The following SH3PXD2A variants were observed in gnomAD, a reference collection of about 807,000 sequenced individuals.
SH3PXD2A encodes the protein SH3 and PX domains 2A.
A neutral mutation model predicts 115.2 loss-of-function variants in SH3PXD2A; 32 were observed. The ratio of observed to expected loss-of-function variants is 0.28; its 90% CI spans 0.21 to 0.37. The LOEUF is 0.37. Among genes scored for constraint, SH3PXD2A ranks in the 10% least tolerant of loss-of-function variants. SH3PXD2A has a pLI of 1.00. For synonymous variants in SH3PXD2A, 610 were observed against 629.1 expected, an observed-to-expected ratio of 0.97 and a Z score of 0.45; for missense variants, 1,328 against 1,498.7, an observed-to-expected ratio of 0.89 and a Z score of 1.88.
At chr10:103,853,098 C>T (rs554079035) in intron 1 of SH3PXD2A, among the ~76,000 whole-genome samples, 5 of 152,194 alleles carry the variant, frequency 3.3e-5, no homozygotes, top group Non-Finnish European at 7.3e-5. Flanking sequence ...AGTGACATCA[C>T]TCCCTGCCCC....
intron 5 of SH3PXD2A, among the ~76,000 whole-genome samples, chr10:103,723,424 G>A (rs2038205970): frequency 6.6e-6 from 1 of 152,216 alleles, no homozygotes; most frequent in African/African-American, 2.4e-5. Flanking sequence ...GGGACTGCAG[G>A]TGAGCAGAAT....
rs1395618678 is a variant in SH3PXD2A at position 103,627,555 on chromosome 10, TTGAAACCCA to T, written c.605-362_605-354del. Reference sequence around the variant, plus strand: ...CATACAGAGAGACCATTTATGGTCTTTGAAACCCATTAGGATGACTGGTTTGCCTGGAGC... The same window carrying T: ...CATACAGAGAGACCATTTATGGTCTTTTAGGATGACTGGTTTGCCTGGAGC... On this transcript the variant is annotated intron_variant, in intron 8 of 14. Coordinates refer to ENST00000369774, the MANE Select transcript of SH3PXD2A (RefSeq NM_001394015.1). The surrounding 1 kb of genome is among the most constrained non-coding windows in gnomAD (Gnocchi z 4.4). Among the ~76,000 whole-genome samples, 4 of 152,360 alleles carry T rather than the reference TTGAAACCCA, an allele frequency of 2.6e-5. No individual in the cohort carries two copies. Among genetic ancestry groups the T allele is most frequent in the Non-Finnish European group, 5.9e-5 (4 of 68,034 alleles).
chr10:103,773,447 T>TC lies in SH3PXD2A; in HGVS notation c.154-6279_154-6278insG, dbSNP rs1371106074. On this transcript the variant is annotated intron_variant, in intron 2 of 14. Coordinates refer to ENST00000369774, the MANE Select transcript of SH3PXD2A (RefSeq NM_001394015.1). ...TTTCTTCTCTTTTCTTTCTTTCTTT[T>TC]TTTTTTTTTTGAGACGGAGTCTCGC... is the stretch of plus-strand genomic sequence containing the variant. 4.1e-3 allele frequency among the ~76,000 whole-genome samples: 620 copies of TC among 150,950 alleles called. 23 individuals carry two copies. The highest frequency in any genetic ancestry group is 0.039 in the Admixed American group (588 of 15,200).
chr10:103,772,959 C>T (rs954900516), intron 2 of SH3PXD2A, among the ~76,000 whole-genome samples: 3 of 152,214 alleles, frequency 2.0e-5, no homozygotes, highest in African/African-American at 4.8e-5. Flanking sequence ...CGCGGTGGCT[C>T]ACGCCTGTAA....
At chr10:103,757,182 T>A (rs1324080609) in intron 3 of SH3PXD2A, among the ~76,000 whole-genome samples, 2 of 150,678 alleles carry the variant, frequency 1.3e-5, no homozygotes, top group Non-Finnish European at 1.5e-5. Context: ...GGGGAGGGAG[T>A]GGAGGGTAAA....
At chr10:103,607,253 G>A (rs1326242801) in intron 13 of SH3PXD2A, among the ~76,000 whole-genome samples, 6 of 150,630 alleles carry the variant, frequency 4.0e-5, no homozygotes, top group African/African-American at 1.5e-4. Flanking sequence ...GAGACTCTCC[G>A]CCTGGCAACC....
intron 3 of SH3PXD2A, among the ~76,000 whole-genome samples, chr10:103,765,425 G>C (rs887591668): frequency 2.0e-5 from 3 of 152,228 alleles, no homozygotes; most frequent in Non-Finnish European, 4.4e-5. Context: ...GTCCTGGGAT[G>C]ATGGAGCAGG....
intron 2 of SH3PXD2A, among the ~76,000 whole-genome samples, chr10:103,795,132 G>A (rs550683136): frequency 5.2e-4 from 79 of 152,258 alleles, no homozygotes; most frequent in African/African-American, 1.8e-3. Flanking sequence ...CACTAGCCAC[G>A]GCCGCCACTG....
intron 2 of SH3PXD2A, among the ~76,000 whole-genome samples, chr10:103,794,155 C>A (rs1195773489): frequency 6.6e-6 from 1 of 152,084 alleles, no homozygotes; most frequent in Non-Finnish European, 1.5e-5. Context: ...TGTTGGGGAG[C>A]TGGAAAGTGA....
At chr10:103,637,359 G>A (rs1230473092) in intron 8 of SH3PXD2A, among the ~76,000 whole-genome samples, 1 of 152,172 alleles carries the variant, frequency 6.6e-6, no homozygotes, top group Non-Finnish European at 1.5e-5. Context: ...GTTACTCTTG[G>A]TCCTTCACAT....
chr10:103,638,324 C>G (rs1201147256), intron 8 of SH3PXD2A, among the ~76,000 whole-genome samples: 1 of 152,240 alleles, frequency 6.6e-6, no homozygotes, highest in East Asian at 1.9e-4. Context: ...GTCAAGACAG[C>G]CTGGGCTGCT....
At chr10:103,628,283 C>T (rs2036727629) in intron 8 of SH3PXD2A, among the ~76,000 whole-genome samples, 1 of 152,256 alleles carries the variant, frequency 6.6e-6, no homozygotes, top group Non-Finnish European at 1.5e-5. Flanking sequence ...TAGGTCCCCA[C>T]CGCCCCACAT....
chr10:103,737,435 C>G (rs1286254710), intron 3 of SH3PXD2A, among the ~76,000 whole-genome samples: 3 of 152,160 alleles, frequency 2.0e-5, no homozygotes, highest in Non-Finnish European at 4.4e-5. Context: ...TTAGATTATT[C>G]CCCCAGACAC....
chr10:103,822,817 A>C (rs1208341228), intron 1 of SH3PXD2A, among the ~76,000 whole-genome samples: 2 of 152,280 alleles, frequency 1.3e-5, no homozygotes, highest in Non-Finnish European at 2.9e-5. Flanking sequence ...TTACCAAAGA[A>C]GAAATACATA....
chr10:103,611,405 G>T (rs2036426691), intron 13 of SH3PXD2A, among the ~76,000 whole-genome samples, 176 bp downstream of exon 13: 1 of 152,210 alleles, frequency 6.6e-6, no homozygotes, highest in African/African-American at 2.4e-5. Context: ...CTCCAGGAAG[G>T]CTGGGATCTG....
At chr10:103,826,371 T>C (rs753611272) in intron 1 of SH3PXD2A, among the ~76,000 whole-genome samples, 1 of 152,186 alleles carries the variant, frequency 6.6e-6, no homozygotes, top group Non-Finnish European at 1.5e-5. Flanking sequence ...CCCAGATGCA[T>C]GTCCAGGTCT....
chr10:103,750,412 A>G (rs1387761802), intron 3 of SH3PXD2A, among the ~76,000 whole-genome samples: 1 of 152,174 alleles, frequency 6.6e-6, no homozygotes, highest in African/African-American at 2.4e-5. Context: ...GGTAACTACT[A>G]CAAGGCCTAG....
chr10:103,800,648 T>C (rs183365371), intron 2 of SH3PXD2A, among the ~76,000 whole-genome samples: 3 of 152,266 alleles, frequency 2.0e-5, no homozygotes, highest in Admixed American at 6.5e-5. Context: ...AAACTATCAC[T>C]TGCAACCCAA....
intron 2 of SH3PXD2A, among the ~76,000 whole-genome samples, chr10:103,783,942 C>G (rs1415597280): frequency 2.6e-5 from 4 of 152,326 alleles, no homozygotes; most frequent in Admixed American, 1.3e-4. Context: ...TAATGAGGCT[C>G]TCCTTGGGGG....
Sources: allele counts gnomAD v4.1 joint callset (sites outside exome capture counted in the v4.1 genomes callset), GRCh38; gene constraint gnomAD v4.1.1; non-coding constraint Gnocchi (gnomAD v3.1); transcripts MANE v1.5; gene names NCBI Gene and HGNC (gene_info 2026-07-23, HGNC 2026-07-21).